Variants in MYO10 observed in about 807,000 individuals in gnomAD.
The protein encoded by MYO10 is unconventional myosin-X.
In MYO10, 133 loss-of-function variants were observed where a neutral mutation model predicts 257.3. That is an observed-to-expected ratio of 0.52 (90% CI 0.45 to 0.60). The LOEUF (loss-of-function observed/expected upper bound fraction) is 0.60. Among genes scored for constraint, MYO10 ranks in the 20% least tolerant of loss-of-function variants. The probability of loss-of-function intolerance (pLI) is 0.00; values close to 1 mark genes in which losing one functional copy is unlikely to be tolerated. For missense variants in MYO10, 2,399 were observed against 2,635.7 expected (o/e 0.91, Z 1.97); for synonymous variants, 1,104 against 1,028.6 (o/e 1.07, Z -1.40).
rs1320797716 is a variant in MYO10, at chr5:16,671,534, G to A, written c.5318C>T (p.Ala1773Val). Residue 1773 changes from alanine (A) to valine (V), a missense_variant, in exon 38 of 41, where the codon GCC (alanine) becomes GTC (valine). Ala to Val is a moderately conservative substitution (Grantham distance 64). Coordinates refer to ENST00000513610, the MANE Select transcript of MYO10 (RefSeq NM_012334.3). ...DVLAKFEKLA[A>V]TSEVGDLPWK... Reference sequence around the variant, plus strand: ...TGGCAGGTCCCCAACCTCGGATGTGGCAGCCAGCCTACAGAGAGGAGTCAA... The same window carrying A: ...TGGCAGGTCCCCAACCTCGGATGTGACAGCCAGCCTACAGAGAGGAGTCAA... The A allele has an allele frequency of 6.2e-7, 1 of 1,613,822 alleles. No individual in the cohort carries two copies. The highest frequency in any genetic ancestry group is 1.3e-5 in the African/African-American group (1 of 74,906).
At chr5:16,686,715 T>TGGG (rs70940398) in intron 28 of MYO10, among the ~76,000 whole-genome samples, 26,743 of 151,790 alleles carry the variant, frequency 0.18, 2,655 homozygotes, top group East Asian at 0.3. Flanking sequence ...TCAGTAGAGA[T>TGGG]GGGGTTTCAC....
chr5:16,868,915 C>T (rs778359547), intron 2 of MYO10, among the ~76,000 whole-genome samples: 4 of 152,104 alleles, frequency 2.6e-5, no homozygotes, highest in African/African-American at 9.7e-5. Flanking sequence ...AACATTAGAA[C>T]GATCTCCTTG....
At chr5:16,870,446 C>G (rs1016946885) in intron 2 of MYO10, among the ~76,000 whole-genome samples, 1 of 151,488 alleles carries the variant, frequency 6.6e-6, no homozygotes, top group Non-Finnish European at 1.5e-5. Flanking sequence ...AAAAATTCAG[C>G]CCGCTCTCCA....
At chr5:16,912,802 G>GTGCA (rs1554008423) in intron 1 of MYO10, among the ~76,000 whole-genome samples, 1 of 111,594 alleles carries the variant, frequency 9.0e-6, no homozygotes, top group East Asian at 2.8e-4. Flanking sequence ...CTACCACCCT[G>GTGCA]CACACACACA....
At chr5:16,708,601 G>A (rs900404051) in intron 21 of MYO10, among the ~76,000 whole-genome samples, 1 of 152,120 alleles carries the variant, frequency 6.6e-6, no homozygotes, top group Non-Finnish European at 1.5e-5. Context: ...TCACTCTGTC[G>A]CCCAGGTTGG....
At chr5:16,860,729 C>G (rs1744082687) in intron 2 of MYO10, among the ~76,000 whole-genome samples, 1 of 150,676 alleles carries the variant, frequency 6.6e-6, no homozygotes, top group South Asian at 2.1e-4. Flanking sequence ...GGGCCTCTGA[C>G]AGATGAGGGC....
intron 19 of MYO10, among the ~76,000 whole-genome samples, chr5:16,739,100 C>G (rs1306271653): frequency 6.7e-6 from 1 of 149,772 alleles, no homozygotes; most frequent in African/African-American, 2.5e-5. Context: ...GCAGGAGGAT[C>G]TCTTGCAGCC....
intron 2 of MYO10, among the ~76,000 whole-genome samples, chr5:16,834,736 G>A (rs1743260974): frequency 6.6e-6 from 1 of 152,174 alleles, no homozygotes; most frequent in Non-Finnish European, 1.5e-5. Flanking sequence ...GCCCTTAAGT[G>A]AAATGAAAAG....
chr5:16,786,405 C>T (rs1305845560), intron 4 of MYO10, among the ~76,000 whole-genome samples: 1 of 152,136 alleles, frequency 6.6e-6, no homozygotes, highest in Non-Finnish European at 1.5e-5. Context: ...ATCTCTTATA[C>T]AGGTGGAAGA....
At chr5:16,694,804 C>T (rs1737663308) in intron 26 of MYO10, among the ~76,000 whole-genome samples, 190 bp from the exon 27 acceptor site, 1 of 152,194 alleles carries the variant, frequency 6.6e-6, no homozygotes, top group Non-Finnish European at 1.5e-5. Context: ...GATGTCACAC[C>T]AGCCAGGCTG....
chr5:16,853,305 C>T (rs571606753), intron 2 of MYO10, among the ~76,000 whole-genome samples: 15 of 151,022 alleles, frequency 9.9e-5, no homozygotes, highest in African/African-American at 2.4e-4. Flanking sequence ...ACCCGAGAGG[C>T]GGAGCTTGCA....
intron 19 of MYO10, among the ~76,000 whole-genome samples, chr5:16,724,769 T>G (rs1739287659): frequency 1.3e-5 from 2 of 152,102 alleles, no homozygotes; most frequent in Admixed American, 1.3e-4. Context: ...AGGATCTGGG[T>G]GTATATATGC....
intron 3 of MYO10, among the ~76,000 whole-genome samples, chr5:16,816,659 T>C (rs1742624674): frequency 6.6e-6 from 1 of 150,916 alleles, no homozygotes; most frequent in Non-Finnish European, 1.5e-5. Flanking sequence ...GGCTCCCGAG[T>C]AGCTGGGATT....
chr5:16,672,561 C>A, intron 37 of MYO10, 128 bp downstream of exon 37: 1 of 1,103,608 alleles, frequency 9.1e-7, no homozygotes, highest in Non-Finnish European at 1.3e-6. Context: ...CAGGCATCAA[C>A]ACAGGTAAAA....
intron 9 of MYO10, among the ~76,000 whole-genome samples, chr5:16,774,497 A>G (rs1214667742): frequency 1.3e-5 from 2 of 152,112 alleles, no homozygotes; most frequent in South Asian, 2.1e-4. Context: ...TCTCAGCTCA[A>G]TGCAAGCTCT....
At chr5:16,904,667 C>T (rs376728728) in intron 1 of MYO10, among the ~76,000 whole-genome samples, 3 of 152,094 alleles carry the variant, frequency 2.0e-5, no homozygotes, top group Non-Finnish European at 2.9e-5. Flanking sequence ...CGGTGGCTCA[C>T]GCCTGTAATC....
At chr5:16,716,251 C>T (rs938653772) in intron 19 of MYO10, among the ~76,000 whole-genome samples, 2 of 151,918 alleles carry the variant, frequency 1.3e-5, no homozygotes, top group Admixed American at 1.3e-4. Flanking sequence ...AATACTATTT[C>T]AGAATGCCTA....
chr5:16,669,567 C>T (rs1736345669), intron 39 of MYO10, among the ~76,000 whole-genome samples: 1 of 152,164 alleles, frequency 6.6e-6, no homozygotes, highest in Non-Finnish European at 1.5e-5. Context: ...AGTTTAACTG[C>T]TATTATCTAT....
chr5:16,708,661 G>C (rs26741), intron 21 of MYO10, among the ~76,000 whole-genome samples: 2,735 of 152,120 alleles, frequency 0.018, 79 homozygotes, highest in African/African-American at 0.063. Context: ...TCCTGGGTTC[G>C]AGCAATCCTC....
Sources: allele counts gnomAD v4.1 joint callset (sites outside exome capture counted in the v4.1 genomes callset), GRCh38; gene constraint gnomAD v4.1.1; transcripts MANE v1.5; gene names NCBI Gene and HGNC (gene_info 2026-07-23, HGNC 2026-07-21).